IPMK: variants seen among roughly 807,000 people sequenced by gnomAD.
IPMK encodes the protein inositol 1,3,4,6-tetrakisphosphate 5-kinase.
A neutral mutation model predicts 45.8 loss-of-function variants in IPMK; 17 were observed. The observed-to-expected ratio is 0.37, with a 90% confidence interval of 0.25 to 0.56. The LOEUF is 0.56. Ranked by LOEUF, IPMK falls within the 20% of genes least tolerant of loss-of-function variation. The pLI, the probability that IPMK is intolerant of heterozygous loss-of-function variation, is 0.79. For missense variants in IPMK, 399 were observed against 498.0 expected, an observed-to-expected ratio of 0.80 and a Z score of 1.89; for synonymous variants, 180 against 184.3, an observed-to-expected ratio of 0.98 and a Z score of 0.19.
rs570166547 is a variant in IPMK at position 58,245,892 on chromosome 10, T to C, written c.191-8078A>G. ...CCTGTTTGCAGACGACATGATTGTA[T>C]ATTTAGAAAACCCCACTGTCTCAGC... On this transcript the variant is annotated intron_variant, in intron 1 of 5. Transcript: ENST00000373935. 4.6e-5 allele frequency among the ~76,000 whole-genome samples: 6 copies of C among 131,550 alleles called. No individual in the cohort carries two copies. The East Asian group carries it at 1.4e-3, about 31-fold the overall frequency. The allele number at this position is 131,550 out of a possible 152,430, so 86.3% of individuals were successfully genotyped here.
intron 1 of IPMK, among the ~76,000 whole-genome samples, chr10:58,256,017 A>T (rs1021119443): frequency 6.6e-6 from 1 of 152,148 alleles, no homozygotes; most frequent in African/African-American, 2.4e-5. Context: ...TAACCTGAGG[A>T]TTTATGTCAC....
At chr10:58,218,032 A>G (rs141234455) in intron 3 of IPMK, among the ~76,000 whole-genome samples, 2 of 152,286 alleles carry the variant, frequency 1.3e-5, no homozygotes, top group East Asian at 3.9e-4. Flanking sequence ...AAAGGAATAA[A>G]TCTTCTCCTT....
At chr10:58,228,558 G>A (rs561302064) in intron 2 of IPMK, among the ~76,000 whole-genome samples, 1 of 152,272 alleles carries the variant, frequency 6.6e-6, no homozygotes, top group East Asian at 1.9e-4. Flanking sequence ...TTTTGAGACG[G>A]AGTCTCGCTC....
intron 4 of IPMK, among the ~76,000 whole-genome samples, chr10:58,206,996 T>TAC (rs1838080202): frequency 6.6e-6 from 1 of 152,036 alleles, no homozygotes; most frequent in Non-Finnish European, 1.5e-5. Flanking sequence ...TATATATATA[T>TAC]ATCACATTTT....
chr10:58,222,034 C>A (rs1180219789), intron 3 of IPMK, among the ~76,000 whole-genome samples: 1 of 152,144 alleles, frequency 6.6e-6, no homozygotes, highest in African/African-American at 2.4e-5. Context: ...CAGGCATTAG[C>A]CACTGCACCT....
chr10:58,253,300 A>C (rs1279396040), intron 1 of IPMK, among the ~76,000 whole-genome samples: 1 of 152,204 alleles, frequency 6.6e-6, no homozygotes. Context: ...TAAATTATCC[A>C]GTGTCGGGTA....
chr10:58,259,133 G>A (rs1434453781), intron 1 of IPMK, among the ~76,000 whole-genome samples: 1 of 152,022 alleles, frequency 6.6e-6, no homozygotes, highest in Non-Finnish European at 1.5e-5. Context: ...TCTGTGAATG[G>A]ACAAACAGCA....
intron 1 of IPMK, among the ~76,000 whole-genome samples, chr10:58,262,135 C>A (rs1321744322): frequency 6.6e-6 from 1 of 152,084 alleles, no homozygotes; most frequent in East Asian, 1.9e-4. Context: ...AGGAGAAATA[C>A]CTAATGTAAA....
intron 1 of IPMK, among the ~76,000 whole-genome samples, chr10:58,245,123 C>T (rs1352785388): frequency 1.3e-5 from 2 of 151,002 alleles, no homozygotes; most frequent in Admixed American, 6.6e-5. Flanking sequence ...ATGTCTTATG[C>T]TAAAGCATGG....
At chr10:58,206,230 T>C (rs1838069798) in intron 4 of IPMK, among the ~76,000 whole-genome samples, 1 of 152,170 alleles carries the variant, frequency 6.6e-6, no homozygotes, top group Non-Finnish European at 1.5e-5. Context: ...ATTTGATTTA[T>C]ATGAATCGTC....
intron 1 of IPMK, among the ~76,000 whole-genome samples, chr10:58,264,949 C>G (rs1413087184): frequency 6.6e-6 from 1 of 152,074 alleles, no homozygotes; most frequent in African/African-American, 2.4e-5. Context: ...CCAGTGATTG[C>G]CCCTGGGAGA....
chr10:58,200,476 A>G (rs1292842379), intron 4 of IPMK, among the ~76,000 whole-genome samples: 1 of 152,196 alleles, frequency 6.6e-6, no homozygotes, highest in African/African-American at 2.4e-5. Flanking sequence ...AAAAATAAAT[A>G]AATAAATAAG....
At chr10:58,217,050 T>C (rs1838253927) in intron 3 of IPMK, among the ~76,000 whole-genome samples, 1 of 151,970 alleles carries the variant, frequency 6.6e-6, no homozygotes, top group African/African-American at 2.4e-5. Context: ...TGTTTTGCCA[T>C]GTTGGCCAGC....
rs138724907 is a variant in IPMK at position 58,226,407 on chromosome 10, T to C, written c.373+636A>G. Among the ~76,000 whole-genome samples the C allele has an allele frequency of 3.9e-4, 59 of 152,324 alleles. No homozygotes were observed. The East Asian group carries it at 5.8e-3, about 15-fold the overall frequency. ...ACATATTTGCATTTTAACAAGACCA[T>C]AGGTTATTTTTAAACCCACTGAAGT... On this transcript the variant is annotated intron_variant, in intron 3 of 5. Coordinates refer to ENST00000373935, the MANE Select transcript of IPMK (RefSeq NM_152230.5).
In IPMK at chr10:58,196,718, A is replaced by G; in HGVS notation, c.629-20T>C. 1.4e-6 allele frequency: 2 copies of G among 1,467,368 alleles called. No homozygotes were observed. Among genetic ancestry groups the G allele is most frequent in the South Asian group, 1.3e-5 (1 of 76,782 alleles). 90.9% of individuals were successfully genotyped at this position (1,467,368 alleles called of 1,614,324 possible). On this transcript the variant is annotated intron_variant, in intron 5 of 5. Transcript: ENST00000373935. ...AGACTCCTATAAAAAGAAAAATATG[A>G]GCGTTATAATCAAATTATGAAATAA... is the stretch of plus-strand genomic sequence containing the variant.
intron 3 of IPMK, among the ~76,000 whole-genome samples, chr10:58,217,310 T>C (rs1838258691): frequency 6.6e-6 from 1 of 152,030 alleles, no homozygotes; most frequent in Non-Finnish European, 1.5e-5. Flanking sequence ...ATGGCTGACC[T>C]GCTTTTAGTT....
chr10:58,236,771 G>A (rs1222628387), intron 2 of IPMK, among the ~76,000 whole-genome samples: 3 of 152,114 alleles, frequency 2.0e-5, no homozygotes, highest in South Asian at 2.1e-4. Flanking sequence ...AATTAGCCAG[G>A]CTTGCTGGCC....
intron 1 of IPMK, among the ~76,000 whole-genome samples, chr10:58,250,726 G>A (rs988579194): frequency 1.3e-5 from 2 of 152,150 alleles, no homozygotes; most frequent in East Asian, 1.9e-4. Flanking sequence ...AATAGGAGTA[G>A]TGAAAATGAG....
chr10:58,244,991 T>C (rs1269705872), intron 1 of IPMK, among the ~76,000 whole-genome samples: 2 of 150,240 alleles, frequency 1.3e-5, no homozygotes, highest in East Asian at 3.9e-4. Flanking sequence ...TATTATCCTA[T>C]GACCCTGCCA....
Sources: allele counts gnomAD v4.1 joint callset (sites outside exome capture counted in the v4.1 genomes callset), GRCh38; gene constraint gnomAD v4.1.1; transcripts MANE v1.5; gene names NCBI Gene and HGNC (gene_info 2026-07-23, HGNC 2026-07-21).